Variants in STK4 observed in about 807,000 individuals in gnomAD.
STK4 encodes the protein serine/threonine kinase 4.
In STK4, 30 loss-of-function variants were observed where a neutral mutation model predicts 64.9. The ratio of observed to expected loss-of-function variants is 0.46; its 90% CI spans 0.35 to 0.63. The LOEUF is 0.63. Among genes scored for constraint, STK4 ranks in the 20% least tolerant of loss-of-function variants. The pLI is 0.01. For missense variants in STK4, 466 were observed against 598.5 expected (o/e 0.78, Z 2.31); for synonymous variants, 177 against 199.0 (o/e 0.89, Z 0.93).
chr20:44,995,602 T>A (rs912438888), intron 6 of STK4, among the ~76,000 whole-genome samples: 6 of 75,986 alleles, frequency 7.9e-5, no homozygotes, highest in Admixed American at 4.7e-4. Flanking sequence ...TGAGACTCCA[T>A]CTCAAAAAAA....
intron 9 of STK4, among the ~76,000 whole-genome samples, chr20:45,023,400 AT>A (rs2068283679): frequency 6.6e-6 from 1 of 152,076 alleles, no homozygotes; most frequent in African/African-American, 2.4e-5. Flanking sequence ...AATAAGTAAG[AT>A]TGCATAGACC....
At chr20:44,968,116 A>G (rs1310044696) in intron 1 of STK4, among the ~76,000 whole-genome samples, 1 of 151,654 alleles carries the variant, frequency 6.6e-6, no homozygotes, top group Non-Finnish European at 1.5e-5. Context: ...TTTAATGTCT[A>G]TGGGGTCTGG....
At chr20:45,000,643 C>A in intron 8 of STK4, 123 bp downstream of exon 8, 1 of 1,407,856 alleles carries the variant, frequency 7.1e-7, no homozygotes, top group Non-Finnish European at 9.7e-7. Flanking sequence ...TCCAGCATAA[C>A]TATGTCCTAA....
chr20:44,980,418 G>A (rs183555804), intron 3 of STK4, among the ~76,000 whole-genome samples: 2 of 152,258 alleles, frequency 1.3e-5, no homozygotes, highest in African/African-American at 4.8e-5. Context: ...TAACAATCTA[G>A]CCAGTTAAAG....
intron 10 of STK4, among the ~76,000 whole-genome samples, chr20:45,069,665 T>C (rs566754739): frequency 6.6e-6 from 1 of 152,308 alleles, no homozygotes; most frequent in African/African-American, 2.4e-5. Context: ...TGACTCTTCT[T>C]AGCACCCATC....
At chr20:44,999,859 C>T (rs183479012) in intron 7 of STK4, among the ~76,000 whole-genome samples, 36 of 152,272 alleles carry the variant, frequency 2.4e-4, no homozygotes, top group Non-Finnish European at 4.4e-4. Context: ...TTCTTTATTC[C>T]ATTAAGCTCC....
At chr20:45,068,469 T>A (rs1979778293) in intron 10 of STK4, among the ~76,000 whole-genome samples, 1 of 152,202 alleles carries the variant, frequency 6.6e-6, no homozygotes, top group Non-Finnish European at 1.5e-5. Flanking sequence ...GTAGATAGCA[T>A]ACCCATTTTA....
chr20:45,035,928 C>G (rs2068520679), intron 10 of STK4, among the ~76,000 whole-genome samples: 1 of 152,130 alleles, frequency 6.6e-6, no homozygotes, highest in Non-Finnish European at 1.5e-5. Flanking sequence ...CATATGTTAC[C>G]TCGCTCTCAG....
chr20:45,047,400 A>G (rs2068713040), intron 10 of STK4, among the ~76,000 whole-genome samples: 1 of 152,218 alleles, frequency 6.6e-6, no homozygotes, highest in Non-Finnish European at 1.5e-5. Context: ...CCGATGGTAA[A>G]CATTCATCTA....
intron 10 of STK4, among the ~76,000 whole-genome samples, chr20:45,060,208 C>T (rs1225918860): frequency 6.6e-6 from 1 of 152,070 alleles, no homozygotes; most frequent in Admixed American, 6.5e-5. Context: ...AGAATTAGAT[C>T]CAGCAGAAGC....
chr20:45,017,795 G>T (rs999914080), intron 9 of STK4, among the ~76,000 whole-genome samples: 1 of 152,100 alleles, frequency 6.6e-6, no homozygotes, highest in Non-Finnish European at 1.5e-5. Context: ...TTGAATTTTG[G>T]ATTTAGCTCT....
At chr20:45,010,467 C>G (rs563411415) in intron 9 of STK4, among the ~76,000 whole-genome samples, 1 of 152,324 alleles carries the variant, frequency 6.6e-6, no homozygotes, top group African/African-American at 2.4e-5. Flanking sequence ...ATATATACCA[C>G]ACACTGTGAT....
In STK4 at chr20:45,078,586, C is replaced by CT. The variant is rs1385944386; in HGVS notation, c.*3415dup. 1 of 147,134 alleles carries CT rather than the reference C, an allele frequency of 6.8e-6. No homozygotes were observed. Among genetic ancestry groups the CT allele is most frequent in the African/African-American group, 2.5e-5 (1 of 39,894 alleles). The allele number at this position is 147,134 out of a possible 1,614,324, so 9.1% of individuals were successfully genotyped here. ...ACTTTCCTTTTTTTTTTTTTTTCCC[C>CT]TTTTTGTCCCTTTCCCCAAGCCACC... On this transcript the variant is annotated 3_prime_UTR_variant, in exon 11 of 11. Transcript: ENST00000372806.
intron 5 of STK4, among the ~76,000 whole-genome samples, chr20:44,988,558 T>TATATAC (rs2067577880): frequency 7.6e-5 from 11 of 144,188 alleles, no homozygotes; most frequent in Non-Finnish European, 1.5e-4. Context: ...TATATATATA[T>TATATAC]ATATATATAT....
intron 10 of STK4, among the ~76,000 whole-genome samples, chr20:45,030,934 T>A (rs1392263290): frequency 1.3e-5 from 2 of 152,106 alleles, no homozygotes; most frequent in African/African-American, 4.8e-5. Flanking sequence ...CAGTGGCTCA[T>A]ACCTGTAATC....
chr20:44,988,533 GTATATATATATATATATATA>G (rs71197589), intron 5 of STK4, among the ~76,000 whole-genome samples: 12 of 101,586 alleles, frequency 1.2e-4, no homozygotes, highest in East Asian at 6.8e-4. Context: ...ATGTGTGTGT[GTATATATATATATATATATA>G]TATATATATA....
intron 10 of STK4, among the ~76,000 whole-genome samples, chr20:45,065,910 G>A (rs1238868867): frequency 6.6e-6 from 1 of 151,170 alleles, no homozygotes; most frequent in Non-Finnish European, 1.5e-5. Context: ...ATTTTTGTTA[G>A]CTTTGGGGTT....
At chr20:45,041,685 C>CT (rs11477080) in intron 10 of STK4, among the ~76,000 whole-genome samples, 841 of 145,846 alleles carry the variant, frequency 5.8e-3, no homozygotes, top group Non-Finnish European at 8.7e-3. Context: ...GCGTGTTTAG[C>CT]TTTTTTTTTT....
Position 44,981,868 on chromosome 20 carries a change from C to T in STK4, c.285C>T (p.Asn95=). The change falls in exon 4 of 11, where the codon AAC becomes AAT. Residue 95 remains asparagine (N), a synonymous_variant. Transcript: ENST00000372806. The stretch of plus-strand genomic sequence containing the variant: ...AATATTATGGCAGTTATTTTAAGAA[C>T]ACAGACTTATGGATCGTTATGGAGT... ...VVKYYGSYFK[N]TDLWIVMEYC... 1 of 1,613,842 alleles carries T rather than the reference C, an allele frequency of 6.2e-7. No individual in the cohort carries two copies. Among genetic ancestry groups the T allele is most frequent in the Non-Finnish European group, 8.5e-7 (1 of 1,179,800 alleles).
Sources: allele counts gnomAD v4.1 joint callset (sites outside exome capture counted in the v4.1 genomes callset), GRCh38; gene constraint gnomAD v4.1.1; transcripts MANE v1.5; gene names NCBI Gene and HGNC (gene_info 2026-07-23, HGNC 2026-07-21).